Variants in SPTB observed in about 807,000 individuals in gnomAD.
SPTB encodes spectrin beta, erythrocytic, also known as spectrin beta chain, erythrocytic.
Under a neutral mutation model 256.2 loss-of-function variants are expected in SPTB, and 45 were observed. The observed-to-expected ratio is 0.18, with a 90% CI of 0.14 to 0.23. The LOEUF is 0.23. Among genes scored for constraint, SPTB ranks in the 10% least tolerant of loss-of-function variants. SPTB has a pLI of 1.00. For synonymous variants in SPTB, 1,231 were observed against 1,243.1 expected (o/e 0.99, Z 0.21); for missense variants, 2,715 against 3,040.4 (o/e 0.89, Z 2.52).
chr14:64,797,865 T>G lies in SPTB; in HGVS notation c.1065-19A>C. Reference sequence around the variant, plus strand: ...TTGAAACCTGTCAAGAAAACAGAAGTAGGAAGACTGATGTTAAGATCTCAT... The same window carrying G: ...TTGAAACCTGTCAAGAAAACAGAAGGAGGAAGACTGATGTTAAGATCTCAT... On this transcript the variant is annotated intron_variant, in intron 9 of 35. Coordinates refer to ENST00000644917, the MANE Select transcript of SPTB (RefSeq NM_001355436.2). The G allele has an allele frequency of 6.3e-7, 1 of 1,597,720 alleles. No homozygotes were observed. The highest frequency in any genetic ancestry group is 8.6e-7 in the Non-Finnish European group (1 of 1,165,008).
At chr14:64,768,235 TC>T (rs2082221078) in intron 29 of SPTB, 49 of 338,984 alleles carry the variant, frequency 1.4e-4, no homozygotes, top group South Asian at 1.3e-3. Context: ...AGATAGGATC[TC>T]CCTATGTTGC....
rs1233707596 is a variant in SPTB at position 64,793,770 on chromosome 14, G to A, written c.1893C>T (p.Ala631=). Reference sequence around the variant, plus strand: ...AGAGTCGTTTGGACTGCTCCAGTTGGGCCTTCCGCCCAGCTGCCATGTTGC... The same window carrying A: ...AGAGTCGTTTGGACTGCTCCAGTTGAGCCTTCCGCCCAGCTGCCATGTTGC... ...ELSNMAAGRK[A]QLEQSKRLWK... The change falls in exon 14 of 36, where the codon GCC becomes GCT. Residue 631 remains alanine, a synonymous_variant. Transcript: ENST00000644917. The surrounding 1 kb of genome is among the most constrained non-coding windows in gnomAD (Gnocchi z 7.0). 1 of 1,614,078 alleles carries A rather than the reference G, an allele frequency of 6.2e-7. No individual in the cohort carries two copies. The highest frequency in any genetic ancestry group is 2.2e-5 in the East Asian group (1 of 44,878).
At chr14:64,821,067 C>T (rs1032202131) in intron 2 of SPTB, among the ~76,000 whole-genome samples, 25 of 152,248 alleles carry the variant, frequency 1.6e-4, no homozygotes, top group African/African-American at 4.8e-4. Context: ...TGGAGAAACC[C>T]GGGGCCCTTC....
chr14:64,846,983 C>T (rs1200164712), intron 1 of SPTB, among the ~76,000 whole-genome samples: 1 of 152,124 alleles, frequency 6.6e-6, no homozygotes, highest in Non-Finnish European at 1.5e-5. Flanking sequence ...GACAGTGGTC[C>T]ACAGCCAGCC....
chr14:64,812,489 C>A (rs2083108201), intron 2 of SPTB, among the ~76,000 whole-genome samples: 1 of 152,152 alleles, frequency 6.6e-6, no homozygotes, highest in South Asian at 2.1e-4. Flanking sequence ...TCCTCGACAC[C>A]CACACAGCTA....
In SPTB at chr14:64,786,889, G is replaced by T; in HGVS notation, c.3076C>A (p.Pro1026Thr). 6.2e-7 allele frequency: 1 copy of T among 1,612,832 alleles called. No individual in the cohort carries two copies. The change falls in exon 16 of 36, where the codon CCT (proline) becomes ACT (threonine). Residue 1026 changes from proline (P) to threonine (T), a missense_variant. Pro to Thr is a conservative substitution (Grantham distance 38). Coordinates refer to ENST00000644917, the MANE Select transcript of SPTB (RefSeq NM_001355436.2). This position sits in a 1 kb window ranked among gnomAD's most constrained non-coding sequence, Gnocchi z 5.6. ...RESQQLMDSHPEQKEDIGQRQ... is the reference protein window; with the variant it reads ...RESQQLMDSHTEQKEDIGQRQ... ...TGACCAATATCCTCCTTCTGCTCAG[G>T]GTGCGAGTCCATCAGCTGCTGGGAC...
Position 64,764,466 on chromosome 14 carries a change from C to T in SPTB, c.6345+2260G>A, listed in dbSNP as rs2082137292. 6.6e-6 allele frequency among the ~76,000 whole-genome samples: 1 copy of T among 152,108 alleles called. No individual in the cohort carries two copies. Among genetic ancestry groups the T allele is most frequent in the Non-Finnish European group, 1.5e-5 (1 of 68,032 alleles). ...TTTCCGGTACCGGGCACAAGCCAGT[C>T]TTCCCATCTGCTGGAGTGGCTGGCT... On this transcript the variant is annotated intron_variant, in intron 32 of 35. Coordinates refer to ENST00000644917, the MANE Select transcript of SPTB (RefSeq NM_001355436.2). This position sits in a 1 kb window ranked among gnomAD's most constrained non-coding sequence, Gnocchi z 4.2.
intron 1 of SPTB, among the ~76,000 whole-genome samples, chr14:64,828,167 G>A (rs1341826667): frequency 6.6e-6 from 1 of 152,162 alleles, no homozygotes; most frequent in African/African-American, 2.4e-5. Flanking sequence ...CTGCTGTTTG[G>A]TGAGGCCTTT....
intron 1 of SPTB, among the ~76,000 whole-genome samples, chr14:64,857,620 A>G (rs2083894956): frequency 1.3e-5 from 2 of 151,436 alleles, no homozygotes. Flanking sequence ...GATTCTGGAA[A>G]TCATTTGGGG....
chr14:64,796,624 C>T lies in SPTB; in HGVS notation c.1274G>A (p.Arg425Gln), dbSNP rs374066115. 6.2e-6 allele frequency: 10 copies of T among 1,614,096 alleles called. No homozygotes were observed. The highest frequency in any genetic ancestry group is 4.5e-5 in the East Asian group (2 of 44,888). Reference protein sequence around the residue: ...IRQEKLEQLARRFDRKAAMRE... With the variant: ...IRQEKLEQLAQRFDRKAAMRE... The stretch of plus-strand genomic sequence containing the variant: ...CATTGCGGCCTTCCGGTCAAAGCGC[C>T]GGGCCAGTTGCTCTAGCTTCTCCTG... The change falls in exon 11 of 36, where the codon CGG (arginine) becomes CAG (glutamine). Residue 425 changes from arginine to glutamine, a missense_variant. Around this residue, in one of 4 missense-constraint regions of SPTB, gnomAD observed 416 missense variants for 571.1 expected, o/e 0.73. Transcript: ENST00000644917. This position sits in a 1 kb window ranked among gnomAD's most constrained non-coding sequence, Gnocchi z 4.1.
At chr14:64,751,149 A>G (rs1486630786) in intron 33 of SPTB, among the ~76,000 whole-genome samples, 1 of 149,412 alleles carries the variant, frequency 6.7e-6, no homozygotes, top group African/African-American at 2.5e-5. Context: ...TTTTAGACAG[A>G]GCCTCTGTCA....
At chr14:64,762,879 GT>G (rs2082113877) in intron 32 of SPTB, among the ~76,000 whole-genome samples, 1 of 152,208 alleles carries the variant, frequency 6.6e-6, no homozygotes, top group Admixed American at 6.5e-5. Context: ...GGCAGGGTAT[GT>G]TTATCCCACA....
intron 5 of SPTB, 130 bp from the exon 6 acceptor site, chr14:64,801,964 G>C: frequency 1.0e-6 from 1 of 958,860 alleles, no homozygotes; most frequent in Non-Finnish European, 1.7e-6. Context: ...CACCAAGAGG[G>C]GGCAGCAGCT....
intron 32 of SPTB, among the ~76,000 whole-genome samples, chr14:64,766,206 G>A (rs1268838039): frequency 6.8e-6 from 1 of 146,138 alleles, no homozygotes; most frequent in African/African-American, 2.7e-5. Flanking sequence ...GTGTGTGGTT[G>A]TGCGTGAGGT....
At chr14:64,789,020 G>T (rs1293432217) in intron 15 of SPTB, among the ~76,000 whole-genome samples, 1 of 152,158 alleles carries the variant, frequency 6.6e-6, no homozygotes, top group East Asian at 1.9e-4. Context: ...CAGTTGCCTT[G>T]TGGCAGACAC....
At chr14:64,819,720 G>A (rs1204240529) in intron 2 of SPTB, among the ~76,000 whole-genome samples, 1 of 152,150 alleles carries the variant, frequency 6.6e-6, no homozygotes. Flanking sequence ...GAAGAAACAG[G>A]TCCTGGAACA....
chr14:64,754,949 TGGAGCCATCTGGCCA>T (rs1181526537), intron 32 of SPTB: 2 of 152,484 alleles, frequency 1.3e-5, no homozygotes, highest in South Asian at 4.1e-4. Flanking sequence ...GCAGCCTCAC[TGGAGCCATCTGGCCA>T]GGACCCGGTC....
intron 32 of SPTB, among the ~76,000 whole-genome samples, chr14:64,766,070 T>A (rs1594751793): frequency 9.4e-6 from 1 of 106,112 alleles, no homozygotes; most frequent in Admixed American, 8.5e-5. Context: ...GTATGGGGGG[T>A]GTGGTCTGTA....
At position 64,749,507 on chromosome 14, in the gene SPTB, GC is replaced by G. The variant is rs763085995; in HGVS notation, c.6820-35del. The G allele has an allele frequency of 7.5e-6, 12 of 1,597,312 alleles. No homozygotes were observed. Among genetic ancestry groups the G allele is most frequent in the South Asian group, 1.1e-5 (1 of 90,644 alleles). On this transcript the variant is annotated intron_variant, in intron 35 of 35. Transcript: ENST00000644917. This position sits in a 1 kb window ranked among gnomAD's most constrained non-coding sequence, Gnocchi z 4.7. ...CGGAGGGTCACGGTGGAGTCTGGAG[GC>G]CCACAGCCCCCCACCTCCCGGGCCA...
Sources: allele counts gnomAD v4.1 joint callset (sites outside exome capture counted in the v4.1 genomes callset), GRCh38; gene constraint gnomAD v4.1.1; regional missense constraint gnomAD v4.1.1; non-coding constraint Gnocchi (gnomAD v3.1); transcripts MANE v1.5; gene names NCBI Gene and HGNC (gene_info 2026-07-23, HGNC 2026-07-21).